The following CD74 variants were observed in gnomAD, a reference collection of about 807,000 sequenced individuals.
The protein encoded by CD74 is HLA class II histocompatibility antigen gamma chain.
A neutral mutation model predicts 37.1 loss-of-function variants in CD74; 20 were observed. That is an observed-to-expected ratio of 0.54 (90% confidence interval 0.38 to 0.78). CD74 has a LOEUF of 0.78. CD74 is among the 30% of genes least tolerant of loss of function. CD74 has a pLI of 0.00. For missense variants in CD74, 338 were observed against 389.5 expected (o/e 0.87, Z 1.11); for synonymous variants, 150 against 152.0 (o/e 0.99, Z 0.10).
In CD74 at chr5:150,402,536, C is replaced by A. The variant is rs759889850; in HGVS notation, c.880+27G>T. The A allele has an allele frequency of 6.2e-6, 10 of 1,604,852 alleles. No homozygotes were observed. Among genetic ancestry groups the A allele is most frequent in the Non-Finnish European group, 7.7e-6 (9 of 1,171,632 alleles). On this transcript the variant is annotated intron_variant, in intron 8 of 8. Transcript: ENST00000009530. The surrounding 1 kb of genome is among the most constrained non-coding windows in gnomAD (Gnocchi z 4.2). ...CCTGCTGGGGATGAGCTGCTGGTGA[C>A]CAGATGCCCCTCTGCAAGGCCCTTA...
In CD74 at chr5:150,404,482, G is replaced by A. The variant is rs2151175814; in HGVS notation, c.625+198C>T. ...AGGAACCCTTAGACAAGATGGGGGT[G>A]GGTCAGGGGAGGGGGACAGCCAAAC... On this transcript the variant is annotated intron_variant, in intron 6 of 8. Transcript: ENST00000009530. 1.4e-5 allele frequency: 8 copies of A among 570,248 alleles called. No individual in the cohort carries two copies. In the South Asian group the frequency reaches 1.4e-4, roughly 10 times the overall value. The allele number at this position is 570,248 out of a possible 1,614,324, so 35.3% of individuals were successfully genotyped here.
At chr5:150,405,354 G>T (rs935808144) in intron 4 of CD74, 174 bp from the exon 5 acceptor site, 6 of 1,325,026 alleles carry the variant, frequency 4.5e-6, no homozygotes, top group Admixed American at 7.6e-5. Context: ...TACGGGTAAG[G>T]GTAGTCCAGC....
Position 150,403,234 on chromosome 5 carries a change from T to C in CD74, c.704A>G (p.Asn235Ser), listed in dbSNP as rs1581249055. 2 of 1,614,010 alleles carry C rather than the reference T, an allele frequency of 1.2e-6. No individual in the cohort carries two copies. Among genetic ancestry groups the C allele is most frequent in the Non-Finnish European group, 1.7e-6 (2 of 1,179,882 alleles). ...PGSFRPKCDE[N>S]GNYLPLQCYG... Reference sequence around the variant, plus strand: ...GCACTGGAGTGGCAGATAGTTGCCGTTCTCGTCGCACTTGGGCCTGAATGA... The same window carrying C: ...GCACTGGAGTGGCAGATAGTTGCCGCTCTCGTCGCACTTGGGCCTGAATGA... Residue 235 changes from asparagine (N) to serine (S), a missense_variant, in exon 7 of 9, where the codon AAC (asparagine) becomes AGC (serine). Asn to Ser is a conservative substitution (Grantham distance 46). Transcript: ENST00000009530. The surrounding 1 kb of genome is among the most constrained non-coding windows in gnomAD (Gnocchi z 4.5).
intron 3 of CD74, 68 bp downstream of exon 3, chr5:150,406,813 C>T: frequency 9.1e-7 from 1 of 1,097,942 alleles, no homozygotes; most frequent in Non-Finnish European, 1.3e-6. Flanking sequence ...CCTGCCCCTC[C>T]CCTTGGCACT....
In CD74 at chr5:150,402,480, C is replaced by T. The variant is rs2151166884; in HGVS notation, c.880+83G>A. 8.3e-7 allele frequency: 1 copy of T among 1,209,582 alleles called. No homozygotes were observed. Among genetic ancestry groups the T allele is most frequent in the Non-Finnish European group, 1.2e-6 (1 of 810,830 alleles). The allele number at this position is 1,209,582 out of a possible 1,614,324, so 74.9% of individuals were successfully genotyped here. Reference sequence around the variant, plus strand: ...AATGTTGGAGAGTGGCCCAGCGTCACACTCCTTCACCTGCCCACAAAGGAG... The same window carrying T: ...AATGTTGGAGAGTGGCCCAGCGTCATACTCCTTCACCTGCCCACAAAGGAG... On this transcript the variant is annotated intron_variant, in intron 8 of 8. Transcript: ENST00000009530. This position sits in a 1 kb window ranked among gnomAD's most constrained non-coding sequence, Gnocchi z 4.2.
chr5:150,402,056 C>G lies in CD74; in HGVS notation c.*184G>C. On this transcript the variant is annotated 3_prime_UTR_variant, in exon 9 of 9. Transcript: ENST00000009530. This position sits in a 1 kb window ranked among gnomAD's most constrained non-coding sequence, Gnocchi z 4.2. ...ATGGAGATTGGGCAGCAGGGCCTTGCTGCATTGTTATCTGCTGTTCCGACT... is the reference window on the plus strand; with the variant it reads ...ATGGAGATTGGGCAGCAGGGCCTTGGTGCATTGTTATCTGCTGTTCCGACT... 1 of 1,538,220 alleles carries G rather than the reference C, an allele frequency of 6.5e-7. No homozygotes were observed. The highest frequency in any genetic ancestry group is 8.7e-7 in the Non-Finnish European group (1 of 1,146,848).
Position 150,403,296 on chromosome 5 carries a change from C to T in CD74, c.642G>A (p.Gln214=), listed in dbSNP as rs539273472. 6.2e-7 allele frequency: 1 copy of T among 1,614,038 alleles called. No individual in the cohort carries two copies. The highest frequency in any genetic ancestry group is 1.7e-5 in the Admixed American group (1 of 60,028). Residue 214 remains glutamine, a synonymous_variant, in exon 7 of 9, where the codon CAG becomes CAA. Coordinates refer to ENST00000009530, the MANE Select transcript of CD74 (RefSeq NM_001025159.3). This position sits in a 1 kb window ranked among gnomAD's most constrained non-coding sequence, Gnocchi z 4.5. ...CAGCAGGGATGTGGCTGACCTCTTC[C>T]TGGCACTTGGTCAGTACTGAAGCGA... ...DAPPKVLTKC[Q]EEVSHIPAVH...
At position 150,407,487 on chromosome 5, in the gene CD74, A is replaced by G. The variant is rs973275790; in HGVS notation, c.126-163T>C. Among the ~76,000 whole-genome samples the G allele has an allele frequency of 6.6e-6, 1 of 152,138 alleles. No homozygotes were observed. The highest frequency in any genetic ancestry group is 2.4e-5 in the African/African-American group (1 of 41,416). The stretch of plus-strand genomic sequence containing the variant: ...CACAAACAGTAAGCTGGCTATGGAA[A>G]CACAGCTTGAAGACCTCACCCCACC... On this transcript the variant is annotated intron_variant, in intron 1 of 8. Coordinates refer to ENST00000009530, the MANE Select transcript of CD74 (RefSeq NM_001025159.3). The surrounding 1 kb of genome is among the most constrained non-coding windows in gnomAD (Gnocchi z 4.4).
At chr5:150,410,978 G>A (rs1032477619) in intron 1 of CD74, among the ~76,000 whole-genome samples, 2 of 152,158 alleles carry the variant, frequency 1.3e-5, no homozygotes, top group South Asian at 2.1e-4. Flanking sequence ...CTCTGAAAGG[G>A]GGCCAAATGG....
In CD74 at chr5:150,403,432, T is replaced by TACTC. The variant is rs1769762937; in HGVS notation, c.626-124_626-121dup. ...TTAATGCCTTCTTCCCAAGTGGCTT[T>TACTC]ACTCACTCCAGCCATCACACGGATG... On this transcript the variant is annotated intron_variant, in intron 6 of 8. Transcript: ENST00000009530. This position sits in a 1 kb window ranked among gnomAD's most constrained non-coding sequence, Gnocchi z 4.5. 4 of 876,082 alleles carry TACTC rather than the reference T, an allele frequency of 4.6e-6. No homozygotes were observed. Among genetic ancestry groups the TACTC allele is most frequent in the Middle Eastern group, 2.3e-4 (1 of 4,384 alleles). 54.3% of individuals were successfully genotyped at this position (876,082 alleles called of 1,614,324 possible). A position where few individuals can be genotyped will look rare whatever the true frequency, so the allele number is the denominator to read the frequency against.
chr5:150,404,638 G>T (rs1345851734), intron 6 of CD74, 42 bp downstream of exon 6: 1 of 1,308,344 alleles, frequency 7.6e-7, no homozygotes, highest in Non-Finnish European at 1.1e-6. Flanking sequence ...GAGCCCCGAG[G>T]GTCCAGAAGC....
intron 4 of CD74, chr5:150,405,526 G>T: frequency 1.4e-6 from 1 of 694,828 alleles, no homozygotes; most frequent in Non-Finnish European, 1.8e-6. Flanking sequence ...GCTAGGTTGA[G>T]TCCTCTGCCT....
At chr5:150,404,056 T>G (rs1036864996) in intron 6 of CD74, among the ~76,000 whole-genome samples, 4 of 152,192 alleles carry the variant, frequency 2.6e-5, no homozygotes, top group Non-Finnish European at 4.4e-5. Flanking sequence ...GGAGATAGCA[T>G]GTAAGGTGCC....
rs1255339264 is a variant in CD74 at position 150,407,117 on chromosome 5, AG to A, written c.298+34del. On this transcript the variant is annotated intron_variant, in intron 2 of 8. Transcript: ENST00000009530. This position sits in a 1 kb window ranked among gnomAD's most constrained non-coding sequence, Gnocchi z 4.4. Reference sequence around the variant, plus strand: ...GGTCTCTGAGTTGAGGGATGGTGGGAGGTGGGGGGTATCAGGATGTAGGGGT... The same window carrying A: ...GGTCTCTGAGTTGAGGGATGGTGGGAGTGGGGGGTATCAGGATGTAGGGGT... 1 of 1,598,852 alleles carries A rather than the reference AG, an allele frequency of 6.3e-7. No individual in the cohort carries two copies. The highest frequency in any genetic ancestry group is 1.1e-5 in the South Asian group (1 of 90,166).
chr5:150,406,950 A>T lies in CD74; in HGVS notation c.309T>A (p.Pro103=). 6.4e-7 allele frequency: 1 copy of T among 1,563,520 alleles called. No homozygotes were observed. Among genetic ancestry groups the T allele is most frequent in the Admixed American group, 2.2e-5 (1 of 45,556 alleles). ...LRMKLPKPPK[P]VSKMRMATPL... ...GGGTGGCCATGCGCATCTTGCTCAC[A>T]GGCTTGGGAGCTGTGGGGACAGGAA... Residue 103 remains proline, a synonymous_variant, in exon 3 of 9, where the codon CCT becomes CCA. Transcript: ENST00000009530.
rs932801279 is a variant in CD74, at chr5:150,403,617, G to T, written c.626-305C>A. Among the ~76,000 whole-genome samples the T allele has an allele frequency of 2.6e-5, 4 of 152,204 alleles. No individual in the cohort carries two copies. Among genetic ancestry groups the T allele is most frequent in the Non-Finnish European group, 5.9e-5 (4 of 68,036 alleles). On this transcript the variant is annotated intron_variant, in intron 6 of 8. Transcript: ENST00000009530. The surrounding 1 kb of genome is among the most constrained non-coding windows in gnomAD (Gnocchi z 4.5). ...CTCATGCCTGTAATCTTAGCACTTT[G>T]GGAGGCCGAGGTGGGCGGATCACTT...
chr5:150,404,462 C>A (rs1477759188), intron 6 of CD74: 3 of 555,666 alleles, frequency 5.4e-6, no homozygotes, highest in Non-Finnish European at 9.7e-6. Context: ...CCCTTAGGAA[C>A]CCTTAGACAA....
Position 150,407,377 on chromosome 5 carries a change from C to T in CD74, c.126-53G>A, listed in dbSNP as rs1452722433. The stretch of plus-strand genomic sequence containing the variant: ...AGGAGGATCCACAGTGGTGGCTGCC[C>T]CAAGGGCTGGCTAGGAATGGGGAAA... On this transcript the variant is annotated intron_variant, in intron 1 of 8. Transcript: ENST00000009530. The surrounding 1 kb of genome is among the most constrained non-coding windows in gnomAD (Gnocchi z 4.4). 8.0e-6 allele frequency: 12 copies of T among 1,497,282 alleles called. No homozygotes were observed. In the African/African-American group the frequency reaches 1.2e-4, roughly 15 times the overall value. The allele number at this position is 1,497,282 out of a possible 1,614,324, so 92.7% of individuals were successfully genotyped here.
chr5:150,405,088 C>A lies in CD74; in HGVS notation c.534G>T (p.Trp178Cys). The change falls in exon 5 of 9, where the codon TGG (tryptophan) becomes TGT (cysteine). Residue 178 changes from tryptophan (W) to cysteine (C), a missense_variant. By Grantham distance (215) the Trp-to-Cys change is radical. Transcript: ENST00000009530. ...HLKNTMETID[W>C]KVFESWMHHW... Reference sequence around the variant, plus strand: ...CCATGCAGGGAAACCTGCTGACCTTCCAGTCTATGGTCTCCATGGTGTTCT... The same window carrying A: ...CCATGCAGGGAAACCTGCTGACCTTACAGTCTATGGTCTCCATGGTGTTCT... 6.2e-7 allele frequency: 1 copy of A among 1,611,892 alleles called. No homozygotes were observed. The highest frequency in any genetic ancestry group is 8.5e-7 in the Non-Finnish European group (1 of 1,178,748).
Sources: allele counts gnomAD v4.1 joint callset (sites outside exome capture counted in the v4.1 genomes callset), GRCh38; gene constraint gnomAD v4.1.1; non-coding constraint Gnocchi (gnomAD v3.1); transcripts MANE v1.5; gene names NCBI Gene and HGNC (gene_info 2026-07-23, HGNC 2026-07-21).